Variants in FAAH2 observed in about 807,000 individuals in gnomAD.
FAAH2 encodes fatty acid amide hydrolase 2.
In FAAH2, 60 loss-of-function variants were observed where a neutral mutation model predicts 36.9. The observed-to-expected ratio is 1.63, with a 90% CI of 1.32 to 2.02. The LOEUF (loss-of-function observed/expected upper bound fraction) is 2.02, where lower values mean the gene tolerates loss of function less well. FAAH2 is among the 30% of genes most tolerant of loss of function. The pLI, the probability that FAAH2 is intolerant of heterozygous loss-of-function variation, is 0.00. For synonymous variants in FAAH2, 214 were observed against 143.8 expected (o/e 1.49, Z -3.49); for missense variants, 689 against 397.5 (o/e 1.73, Z -6.23).
At chrX:57,483,536 C>G (rs960235093) in intron 10 of FAAH2, among the ~76,000 whole-genome samples, 3 of 110,810 alleles carry the variant, frequency 2.7e-5, no homozygotes, top group African/African-American at 9.8e-5. Flanking sequence ...GGTTAAGGTC[C>G]ATTGCTAGAA....
At chrX:57,168,212 T>G in the FAAH2 span, among the ~76,000 whole-genome samples, 1 of 111,282 alleles carries the variant, frequency 9.0e-6, no homozygotes, top group African/African-American at 3.3e-5. Flanking sequence ...CAGTCTCATC[T>G]TGTATATTCT....
chrX:57,144,437 T>G, the FAAH2 span, among the ~76,000 whole-genome samples: 480 of 109,835 alleles, frequency 4.4e-3, 3 homozygotes, highest in African/African-American at 0.015. Context: ...GTAAAGCAAG[T>G]AACTCTGTGG....
At chrX:57,291,634 T>G (rs2051987449) in intron 1 of FAAH2, among the ~76,000 whole-genome samples, 1 of 111,884 alleles carries the variant, frequency 8.9e-6, no homozygotes, top group Admixed American at 9.5e-5. Flanking sequence ...CTTTTTCTTT[T>G]CCTTTCCTTC....
At chrX:57,279,718 A>G in the FAAH2 span, among the ~76,000 whole-genome samples, 3 of 112,292 alleles carry the variant, frequency 2.7e-5, no homozygotes, top group Admixed American at 9.5e-5. Flanking sequence ...GATTCATCAC[A>G]TAAACAGAAC....
chrX:57,300,842 C>T (rs1275129033), intron 2 of FAAH2, among the ~76,000 whole-genome samples: 1 of 111,714 alleles, frequency 9.0e-6, no homozygotes, highest in Non-Finnish European at 1.9e-5. Flanking sequence ...TTTATGCAGC[C>T]AAAAAACACA....
chrX:57,222,494 C>T, the FAAH2 span, among the ~76,000 whole-genome samples: 1 of 112,096 alleles, frequency 8.9e-6, no homozygotes, highest in African/African-American at 3.3e-5. Context: ...TCTCCGATGG[C>T]CTGCCTGCCT....
At chrX:57,194,108 C>A in the FAAH2 span, among the ~76,000 whole-genome samples, 1 of 111,106 alleles carries the variant, frequency 9.0e-6, no homozygotes, top group Non-Finnish European at 1.9e-5. Context: ...TGTATTAGTT[C>A]TTCTTTAAAT....
intron 7 of FAAH2, among the ~76,000 whole-genome samples, chrX:57,390,260 A>G (rs984027544): frequency 8.9e-6 from 1 of 111,958 alleles, no homozygotes; most frequent in Non-Finnish European, 1.9e-5. Flanking sequence ...AACAATTGCC[A>G]AGACCAATGT....
intron 5 of FAAH2, among the ~76,000 whole-genome samples, chrX:57,347,375 T>A (rs1409500382): frequency 9.0e-6 from 1 of 111,438 alleles, no homozygotes; most frequent in Non-Finnish European, 1.9e-5. Flanking sequence ...CCTACTGTAT[T>A]ATGAACTTTT....
chrX:57,424,799 G>A (rs2056119965), intron 7 of FAAH2, among the ~76,000 whole-genome samples: 3 of 111,849 alleles, frequency 2.7e-5, no homozygotes, highest in African/African-American at 9.7e-5. Flanking sequence ...AGAAAGCAGT[G>A]TAACAATTCT....
At chrX:57,140,683 A>G in the FAAH2 span, among the ~76,000 whole-genome samples, 10 of 111,009 alleles carry the variant, frequency 9.0e-5, no homozygotes, top group African/African-American at 2.0e-4. Context: ...TTTCAGCATC[A>G]GCGATGCAGC....
intron 7 of FAAH2, among the ~76,000 whole-genome samples, chrX:57,419,823 G>A (rs897568049): frequency 1.8e-5 from 2 of 111,795 alleles, no homozygotes; most frequent in African/African-American, 6.5e-5. Context: ...TAATGCCTAG[G>A]TTTTCTTCTA....
At chrX:57,488,707 T>G (rs5915052) in intron 10 of FAAH2, 50 bp from the exon 11 acceptor site, 316,741 of 1,146,466 alleles carry the variant, frequency 0.28, 34,945 homozygotes, top group African/African-American at 0.6. Context: ...AAAAAATACG[T>G]TTTCAGGAAC....
At chrX:57,324,715 G>T (rs914040038) in intron 3 of FAAH2, among the ~76,000 whole-genome samples, 25 of 112,211 alleles carry the variant, frequency 2.2e-4, no homozygotes, top group Non-Finnish European at 2.8e-4. Flanking sequence ...TGCTGAAGTT[G>T]CTTATCAGCT....
chrX:57,364,570 T>G (rs2054367093), intron 5 of FAAH2, among the ~76,000 whole-genome samples: 2 of 109,050 alleles, frequency 1.8e-5, no homozygotes, highest in African/African-American at 3.3e-5. Context: ...GCTCAGCTCT[T>G]AATTTTAGTT....
chrX:57,214,796 C>G, the FAAH2 span, among the ~76,000 whole-genome samples: 3 of 111,351 alleles, frequency 2.7e-5, no homozygotes, highest in Non-Finnish European at 5.6e-5. Context: ...TTTGGCCAAT[C>G]AACCTTCAAT....
chrX:57,378,708 T>C lies in FAAH2; in HGVS notation c.800T>C (p.Leu267Pro). ...GCTGTGGGAGCCCAGGAGTTGTTTC[T>C]GTGCACTGGTCCTATGTGCCGTTAT... ...PLAVGAQELF[L>P]CTGPMCRYAE... Residue 267 changes from leucine to proline, a missense_variant, in exon 6 of 11, where the codon CTG (leucine) becomes CCG (proline). Physicochemically the swap from Leu to Pro is moderately conservative, Grantham distance 98. Coordinates refer to ENST00000374900, the MANE Select transcript of FAAH2 (RefSeq NM_174912.4). The C allele has an allele frequency of 8.3e-7, 1 of 1,211,260 alleles. No individual in the cohort carries two copies. The highest frequency in any genetic ancestry group is 1.1e-6 in the Non-Finnish European group (1 of 895,202).
At chrX:57,399,271 G>A (rs1290699029) in intron 7 of FAAH2, among the ~76,000 whole-genome samples, 2 of 111,859 alleles carry the variant, frequency 1.8e-5, no homozygotes, top group Non-Finnish European at 3.8e-5. Flanking sequence ...CTGACTATCT[G>A]CTTGATAGTT....
At chrX:57,330,166 C>T (rs780092898) in intron 3 of FAAH2, among the ~76,000 whole-genome samples, 7 of 111,906 alleles carry the variant, frequency 6.3e-5, no homozygotes, top group African/African-American at 1.6e-4. Context: ...ACCGGTGAGC[C>T]GGGTGGAACA....
Sources: allele counts gnomAD v4.1 joint callset (sites outside exome capture counted in the v4.1 genomes callset), GRCh38; gene constraint gnomAD v4.1.1; transcripts MANE v1.5; gene names NCBI Gene and HGNC (gene_info 2026-07-23, HGNC 2026-07-21).